ROBO2: variants seen among roughly 807,000 people sequenced by gnomAD.
ROBO2 encodes roundabout guidance receptor 2, also known as roundabout homolog 2.
A neutral mutation model predicts 160.8 loss-of-function variants in ROBO2; 53 were observed. The ratio of observed to expected loss-of-function variants is 0.33; its 90% CI spans 0.26 to 0.41. The LOEUF (loss-of-function observed/expected upper bound fraction) is 0.41. Among genes scored for constraint, ROBO2 ranks in the 10% least tolerant of loss-of-function variants. The pLI is 1.00. For synonymous variants in ROBO2, 664 were observed against 611.7 expected (o/e 1.09, Z -1.26); for missense variants, 1,577 against 1,722.4 (o/e 0.92, Z 1.49).
At chr3:77,311,918 C>T (rs939733730) in intron 2 of ROBO2, among the ~76,000 whole-genome samples, 2 of 152,002 alleles carry the variant, frequency 1.3e-5, no homozygotes, top group African/African-American at 4.8e-5. Context: ...GAAACCCCGT[C>T]TCTACTAAAA....
intron 2 of ROBO2, among the ~76,000 whole-genome samples, chr3:76,409,556 G>A (rs533038826): frequency 4.6e-5 from 7 of 152,096 alleles, no homozygotes; most frequent in African/African-American, 1.2e-4. Flanking sequence ...CACATTTTAA[G>A]TTCTCACCAG....
intron 2 of ROBO2, among the ~76,000 whole-genome samples, chr3:77,366,199 G>C (rs1490316399): frequency 6.6e-6 from 1 of 152,144 alleles, no homozygotes; most frequent in Admixed American, 6.6e-5. Flanking sequence ...AAGTCTTTTA[G>C]AGAATGTGAC....
At chr3:76,181,063 TA>T in intron 2 of ROBO2, among the ~76,000 whole-genome samples, 1 of 152,278 alleles carries the variant, frequency 6.6e-6, no homozygotes, top group Middle Eastern at 3.4e-3. Context: ...GGGCTCAGTT[TA>T]AATGTCAGCC....
At chr3:76,304,938 T>A (rs1161989675) in intron 2 of ROBO2, among the ~76,000 whole-genome samples, 1 of 151,888 alleles carries the variant, frequency 6.6e-6, no homozygotes, top group African/African-American at 2.4e-5. Context: ...TTCTTTGGTC[T>A]GATGTAAGGT....
chr3:77,200,267 T>TTTTA (rs1560218166), intron 2 of ROBO2, among the ~76,000 whole-genome samples: 18 of 46,572 alleles, frequency 3.9e-4, no homozygotes, highest in Non-Finnish European at 6.8e-4. Flanking sequence ...CTAACATATT[T>TTTTA]TATATATATA....
intron 2 of ROBO2, among the ~76,000 whole-genome samples, chr3:76,105,693 C>T (rs562925056): frequency 2.5e-4 from 38 of 152,102 alleles, no homozygotes; most frequent in African/African-American, 5.8e-4. Context: ...GTAACCTACA[C>T]GTTCATTAGA....
intron 23 of ROBO2, among the ~76,000 whole-genome samples, chr3:77,626,756 A>G (rs1174585788): frequency 1.3e-5 from 2 of 152,194 alleles, no homozygotes; most frequent in Non-Finnish European, 2.9e-5. Context: ...AAAAAGGAAG[A>G]CTGAGATTGT....
chr3:76,137,428 T>C (rs544398732), intron 2 of ROBO2, among the ~76,000 whole-genome samples: 1 of 152,180 alleles, frequency 6.6e-6, no homozygotes, highest in African/African-American at 2.4e-5. Context: ...AAGATTCATT[T>C]GATGAATCCA....
At chr3:76,992,899 C>G (rs1391450427) in intron 2 of ROBO2, among the ~76,000 whole-genome samples, 2 of 152,086 alleles carry the variant, frequency 1.3e-5, no homozygotes, top group Non-Finnish European at 2.9e-5. Flanking sequence ...CTCACTGCAG[C>G]CTCCACCTGC....
chr3:76,579,143 C>T (rs1008284681), intron 2 of ROBO2, among the ~76,000 whole-genome samples: 7 of 152,110 alleles, frequency 4.6e-5, no homozygotes, highest in Non-Finnish European at 7.4e-5. Context: ...CCCTCTGATC[C>T]TTCCTCCACA....
At chr3:76,272,715 AT>A (rs1207498085) in intron 2 of ROBO2, among the ~76,000 whole-genome samples, 12 of 119,976 alleles carry the variant, frequency 1.0e-4, no homozygotes, top group Admixed American at 2.3e-4. Flanking sequence ...TAAAATATAT[AT>A]TATATACACA....
At chr3:76,115,673 AAATT>A (rs566749520) in intron 2 of ROBO2, among the ~76,000 whole-genome samples, 40 of 152,200 alleles carry the variant, frequency 2.6e-4, no homozygotes, top group African/African-American at 4.1e-4. Context: ...TTTTTTTAAA[AAATT>A]AAATAAACAA....
intron 2 of ROBO2, among the ~76,000 whole-genome samples, chr3:77,370,284 A>G (rs1370713440): frequency 6.6e-6 from 1 of 152,216 alleles, no homozygotes; most frequent in Non-Finnish European, 1.5e-5. Context: ...GTCATACTAC[A>G]TTGCTTGAAA....
At chr3:77,298,306 T>G (rs550307557) in intron 2 of ROBO2, among the ~76,000 whole-genome samples, 38 of 152,144 alleles carry the variant, frequency 2.5e-4, no homozygotes, top group Admixed American at 1.8e-3. Context: ...GCATGGAAAA[T>G]GATTTTCTAA....
At position 76,450,451 on chromosome 3, in the gene ROBO2, C is replaced by G. The variant is rs73840997; in HGVS notation, c.109+512849C>G. Among the ~76,000 whole-genome samples the G allele has an allele frequency of 3.5e-3, 527 of 151,916 alleles. 9 individuals are homozygous for G. Among genetic ancestry groups the G allele is most frequent in the African/African-American group, 0.012 (497 of 41,428 alleles). ...TTTTTAAAGTAAAATATTTTTAAAT[C>G]TGGCAGAAAAAAATGATGAAAATTT... On this transcript the variant is annotated intron_variant, in intron 2 of 26. Transcript: ENST00000487694.
intron 2 of ROBO2, among the ~76,000 whole-genome samples, chr3:77,230,753 T>C (rs1360014003): frequency 4.6e-5 from 7 of 152,212 alleles, no homozygotes; most frequent in African/African-American, 2.4e-5. Flanking sequence ...AGGTTAGTTA[T>C]TAAATTGAGA....
Position 77,607,961 on chromosome 3 carries a change from A to G in ROBO2, c.3293+7A>G. On this transcript the variant is annotated splice_region_variant and intron_variant, in intron 21 of 25. Transcript: ENST00000461745. ...TGGAACAACAAGAAAATGGGTAAAG[A>G]TATTTTATATACTAGCAAAATGGCC... 6.2e-7 allele frequency: 1 copy of G among 1,613,852 alleles called. No homozygotes were observed. Among genetic ancestry groups the G allele is most frequent in the Non-Finnish European group, 8.5e-7 (1 of 1,179,886 alleles).
At chr3:76,621,490 G>A (rs979742711) in intron 2 of ROBO2, among the ~76,000 whole-genome samples, 1 of 152,170 alleles carries the variant, frequency 6.6e-6, no homozygotes, top group Non-Finnish European at 1.5e-5. Flanking sequence ...CAAGTCCTTT[G>A]AACATCTTTA....
intron 2 of ROBO2, among the ~76,000 whole-genome samples, chr3:76,801,030 A>C (rs959143317): frequency 6.6e-6 from 1 of 152,206 alleles, no homozygotes; most frequent in Non-Finnish European, 1.5e-5. Context: ...TGAATAAAAG[A>C]AAACATGGTA....
Sources: gnomAD v4.1 joint callset for allele counts (sites outside exome capture counted in the v4.1 genomes callset) on GRCh38, gnomAD v4.1.1 for gene constraint, MANE v1.5 for transcripts, NCBI Gene and HGNC (gene_info 2026-07-23, HGNC 2026-07-21) for gene names.